The following LOC128462377 variants were observed in gnomAD, a reference collection of about 807,000 sequenced individuals.
At chr16:89,348,866 T>C in the LOC128462377 span, among the ~76,000 whole-genome samples, 3 of 150,212 alleles carry the variant, frequency 2.0e-5, no homozygotes, top group East Asian at 3.9e-4. Flanking sequence ...ACCAGTTTTA[T>C]TGTCTTTAAA....
At chr16:89,331,886 C>T in the LOC128462377 span, among the ~76,000 whole-genome samples, 50 of 151,550 alleles carry the variant, frequency 3.3e-4, no homozygotes, top group East Asian at 2.4e-3. Context: ...TCCGGGTTAA[C>T]GGGCTGGGGT....
At chr16:89,344,011 T>C in the LOC128462377 span, among the ~76,000 whole-genome samples, 5 of 152,030 alleles carry the variant, frequency 3.3e-5, no homozygotes, top group Non-Finnish European at 7.4e-5. Context: ...GACATAAATA[T>C]CGGTGCAGGC....
At chr16:89,399,333 A>G in the LOC128462377 span, among the ~76,000 whole-genome samples, 1 of 152,192 alleles carries the variant, frequency 6.6e-6, no homozygotes, top group Non-Finnish European at 1.5e-5. Context: ...CATCCAGACA[A>G]CAGAATATTA....
chr16:89,346,117 C>T, the LOC128462377 span, among the ~76,000 whole-genome samples: 13 of 151,812 alleles, frequency 8.6e-5, no homozygotes, highest in East Asian at 2.1e-3. Context: ...GGCGTGGTGC[C>T]GGGCGCTTGT....
chr16:89,385,375 C>T, the LOC128462377 span, among the ~76,000 whole-genome samples: 129 of 150,736 alleles, frequency 8.6e-4, 2 homozygotes, highest in Admixed American at 7.5e-3. Context: ...GTGATCCACC[C>T]GCTTCAGCCT....
chr16:89,378,785 C>A, the LOC128462377 span, among the ~76,000 whole-genome samples: 1 of 152,152 alleles, frequency 6.6e-6, no homozygotes, highest in Non-Finnish European at 1.5e-5. Flanking sequence ...GGGGTTTCAT[C>A]ATGTTGGCCA....
chr16:89,369,579 T>C, the LOC128462377 span, among the ~76,000 whole-genome samples: 1 of 151,924 alleles, frequency 6.6e-6, no homozygotes, highest in East Asian at 1.9e-4. Flanking sequence ...ACAAGACTAG[T>C]GGTTGCCAGG....
chr16:89,417,611 A>G, the LOC128462377 span, among the ~76,000 whole-genome samples: 1 of 152,072 alleles, frequency 6.6e-6, no homozygotes, highest in Admixed American at 6.6e-5. Context: ...AACCATACAC[A>G]CTGGTCTCCA....
chr16:89,372,243 C>T, the LOC128462377 span, among the ~76,000 whole-genome samples: 2 of 152,240 alleles, frequency 1.3e-5, no homozygotes, highest in Non-Finnish European at 2.9e-5. Context: ...AAGAGCCACA[C>T]GTCCTCCTGC....
chr16:89,352,440 G>A, the LOC128462377 span, among the ~76,000 whole-genome samples: 1 of 151,526 alleles, frequency 6.6e-6, no homozygotes, highest in Non-Finnish European at 1.5e-5. Flanking sequence ...GTGGCAGGAG[G>A]GCACTTGCTG....
the LOC128462377 span, among the ~76,000 whole-genome samples, chr16:89,391,875 A>G: frequency 5.9e-5 from 9 of 152,258 alleles, no homozygotes; most frequent in Admixed American, 3.9e-4. Context: ...AAATCAATGT[A>G]CTTTATGTTC....
the LOC128462377 span, among the ~76,000 whole-genome samples, chr16:89,342,046 C>A: frequency 9.4e-6 from 1 of 106,520 alleles, no homozygotes; most frequent in African/African-American, 3.5e-5. Flanking sequence ...ACAGCGGCCA[C>A]GGCCCACGGC....
At chr16:89,383,389 G>C in the LOC128462377 span, among the ~76,000 whole-genome samples, 3 of 152,240 alleles carry the variant, frequency 2.0e-5, no homozygotes, top group African/African-American at 4.8e-5. Flanking sequence ...AAGACGAGGA[G>C]ATCTGTGCCA....
At chr16:89,343,772 A>C in the LOC128462377 span, 2 of 152,352 alleles carry the variant, frequency 1.3e-5, no homozygotes, top group African/African-American at 4.8e-5. Context: ...TCACCAGTGC[A>C]GCCTGCGTCA....
chr16:89,321,460 G>A, the LOC128462377 span, among the ~76,000 whole-genome samples: 1 of 150,806 alleles, frequency 6.6e-6, no homozygotes, highest in Non-Finnish European at 1.5e-5. Context: ...CGGGAGCTGC[G>A]GGGCGGGGAC....
the LOC128462377 span, among the ~76,000 whole-genome samples, chr16:89,381,888 G>C: frequency 2.6e-5 from 4 of 152,238 alleles, no homozygotes; most frequent in Non-Finnish European, 4.4e-5. Flanking sequence ...CCACTCACGT[G>C]GTGACCACAG....
chr16:89,377,030 T>A, the LOC128462377 span, among the ~76,000 whole-genome samples: 2 of 152,252 alleles, frequency 1.3e-5, no homozygotes, highest in African/African-American at 4.8e-5. Flanking sequence ...CTTCCATTGA[T>A]GCTTTGTCCG....
the LOC128462377 span, among the ~76,000 whole-genome samples, chr16:89,369,847 G>C: frequency 1.2e-4 from 19 of 152,218 alleles, no homozygotes; most frequent in Non-Finnish European, 2.2e-4. Context: ...GGGGAAGCTT[G>C]GCAATGTGTA....
chr16:89,409,169 G>A, the LOC128462377 span, among the ~76,000 whole-genome samples: 2 of 152,192 alleles, frequency 1.3e-5, no homozygotes, highest in Non-Finnish European at 2.9e-5. Flanking sequence ...AGGTGAAGCC[G>A]ACGGTCTGAG....
Sources: gnomAD v4.1 joint callset for allele counts (sites outside exome capture counted in the v4.1 genomes callset) on GRCh38, gnomAD v4.1.1 for gene constraint, MANE v1.5 for transcripts.